SEMA3A: variants seen among roughly 807,000 people sequenced by gnomAD.
SEMA3A encodes the protein semaphorin 3A.
A neutral mutation model predicts 97.9 loss-of-function variants in SEMA3A; 29 were observed. The ratio of observed to expected loss-of-function variants is 0.30; its 90% CI spans 0.22 to 0.40. The LOEUF is 0.40. SEMA3A is among the 10% of genes least tolerant of loss of function. SEMA3A has a pLI of 1.00. For missense variants in SEMA3A, 763 were observed against 951.3 expected, an observed-to-expected ratio of 0.80 and a Z score of 2.60; for synonymous variants, 321 against 323.7, an observed-to-expected ratio of 0.99 and a Z score of 0.09.
intron 1 of SEMA3A, among the ~76,000 whole-genome samples, chr7:84,394,155 A>G (rs1803664081): frequency 7.6e-6 from 1 of 132,232 alleles, no homozygotes; most frequent in South Asian, 2.4e-4. Context: ...GCAGATAAAG[A>G]ATTAGAAATA....
At chr7:84,374,100 A>G (rs1803042143) in intron 1 of SEMA3A, among the ~76,000 whole-genome samples, 1 of 152,192 alleles carries the variant, frequency 6.6e-6, no homozygotes, top group Non-Finnish European at 1.5e-5. Flanking sequence ...GCAGAAGCCC[A>G]GAGGAGAAAA....
chr7:84,321,337 A>G (rs1801637578), intron 2 of SEMA3A, among the ~76,000 whole-genome samples: 1 of 152,218 alleles, frequency 6.6e-6, no homozygotes, highest in East Asian at 1.9e-4. Flanking sequence ...AAAATGAACT[A>G]TAATTATCAC....
At chr7:84,103,211 C>G (rs1449356954) in intron 4 of SEMA3A, among the ~76,000 whole-genome samples, 1 of 152,064 alleles carries the variant, frequency 6.6e-6, no homozygotes, top group African/African-American at 2.4e-5. Flanking sequence ...TTTTCTCTAT[C>G]TCAACCACAG....
intron 15 of SEMA3A, among the ~76,000 whole-genome samples, chr7:83,965,042 T>A (rs1227075854): frequency 6.6e-6 from 1 of 152,118 alleles, no homozygotes; most frequent in East Asian, 1.9e-4. Flanking sequence ...CAGAAGTTAA[T>A]GCTATTTACA....
At chr7:84,292,939 A>G (rs1800785509) in intron 3 of SEMA3A, among the ~76,000 whole-genome samples, 1 of 152,074 alleles carries the variant, frequency 6.6e-6, no homozygotes, top group African/African-American at 2.4e-5. Context: ...CCTAAATGGT[A>G]AATATATTAA....
At chr7:84,086,495 TA>T (rs1295359177) in intron 4 of SEMA3A, among the ~76,000 whole-genome samples, 6 of 58,034 alleles carry the variant, frequency 1.0e-4, no homozygotes, top group Non-Finnish European at 1.0e-4. Flanking sequence ...TATTTACATA[TA>T]ATATATTATT....
chr7:84,347,748 C>T (rs2116011615), intron 2 of SEMA3A, among the ~76,000 whole-genome samples: 1 of 152,182 alleles, frequency 6.6e-6, no homozygotes, highest in African/African-American at 2.4e-5. Flanking sequence ...ACAGCCACAA[C>T]AGAATATATT....
intron 3 of SEMA3A, among the ~76,000 whole-genome samples, chr7:84,229,552 C>G (rs1799069513): frequency 6.6e-6 from 1 of 152,088 alleles, no homozygotes; most frequent in Non-Finnish European, 1.5e-5. Context: ...TTTCTGGGGA[C>G]TACCATAATG....
rs748598600 is a variant in SEMA3A, at chr7:83,981,456, G to T, written c.1517C>A (p.Thr506Lys). 6.2e-7 allele frequency: 1 copy of T among 1,611,668 alleles called. No individual in the cohort carries two copies. Among genetic ancestry groups the T allele is most frequent in the Non-Finnish European group, 8.5e-7 (1 of 1,179,072 alleles). Residue 506 changes from threonine to lysine, a missense_variant, in exon 14 of 17, where the codon ACG becomes AAG. This residue lies in a region of SEMA3A where 678 missense variants were observed against 881.3 expected (regional missense o/e 0.77). Coordinates refer to ENST00000265362, the MANE Select transcript of SEMA3A (RefSeq NM_006080.3). Reference sequence around the variant, plus strand: ...TAAAGGGAGCTGGGCAACCCCAGCCGTTGAACCAATATATAGTTGTTGCTG... The same window carrying T: ...TAAAGGGAGCTGGGCAACCCCAGCCTTTGAACCAATATATAGTTGTTGCTG... ...TKQQQLYIGS[T>K]AGVAQLPLHR... is the part of the protein sequence containing the mutation.
chr7:83,977,828 G>C lies in SEMA3A; in HGVS notation c.1653-632C>G, dbSNP rs189662963. Among the ~76,000 whole-genome samples, 650 of 136,736 alleles carry C rather than the reference G, an allele frequency of 4.8e-3. 6 individuals carry two copies. Among genetic ancestry groups the C allele is most frequent in the African/African-American group, 0.017 (618 of 36,400 alleles). The allele number at this position is 136,736 out of a possible 152,430, so 89.7% of individuals were successfully genotyped here. On this transcript the variant is annotated intron_variant, in intron 14 of 16. Transcript: ENST00000265362. The stretch of plus-strand genomic sequence containing the variant: ...TCTTTCTTTTTTTTTTTTTGAGACA[G>C]AATCTCGCTCTGTCGCCCAGGCTGA...
At chr7:84,450,667 G>A (rs1282439410) in intron 1 of SEMA3A, among the ~76,000 whole-genome samples, 2 of 151,976 alleles carry the variant, frequency 1.3e-5, no homozygotes, top group Non-Finnish European at 2.9e-5. Flanking sequence ...ATTGTGGGAG[G>A]GTTCTGTCTC....
At position 84,223,297 on chromosome 7, in the gene SEMA3A, A is replaced by G. The variant is rs1286117638; in HGVS notation, c.-82-28629T>C. ...TACCTCTCTCCATATAGAGGTGTGT[A>G]TGTATGTTTGCATGTGTGTATGCAT... On this transcript the variant is annotated intron_variant, in intron 3 of 3. Coordinates refer to the SEMA3A transcript ENST00000424555. 2.6e-5 allele frequency among the ~76,000 whole-genome samples: 4 copies of G among 151,908 alleles called. No homozygotes were observed. The South Asian group carries it at 6.2e-4, about 24-fold the overall frequency.
chr7:84,119,827 G>A (rs1795548713), intron 3 of SEMA3A, among the ~76,000 whole-genome samples: 1 of 152,046 alleles, frequency 6.6e-6, no homozygotes, highest in African/African-American at 2.4e-5. Context: ...CTTTTTTCCT[G>A]AAGGAACTGG....
intron 1 of SEMA3A, among the ~76,000 whole-genome samples, chr7:84,136,083 C>T (rs1394980714): frequency 6.6e-6 from 1 of 152,070 alleles, no homozygotes; most frequent in Non-Finnish European, 1.5e-5. Flanking sequence ...ACACCCCACC[C>T]CCATGGGATA....
At chr7:84,467,089 T>C (rs1806017361) in intron 1 of SEMA3A, among the ~76,000 whole-genome samples, 1 of 152,172 alleles carries the variant, frequency 6.6e-6, no homozygotes, top group African/African-American at 2.4e-5. Flanking sequence ...AATATCAGTA[T>C]GCATGGTCTG....
At position 83,959,691 on chromosome 7, in the gene SEMA3A, T is replaced by C. The variant is rs1252877305; in HGVS notation, c.*1680A>G. Reference sequence around the variant, plus strand: ...GAGTTAATTAGAATCCAAAGACAGCTAGAGTTAGAATTTCAATGTTGCTTC... The same window carrying C: ...GAGTTAATTAGAATCCAAAGACAGCCAGAGTTAGAATTTCAATGTTGCTTC... On this transcript the variant is annotated 3_prime_UTR_variant, in exon 17 of 17. Coordinates refer to ENST00000265362, the MANE Select transcript of SEMA3A (RefSeq NM_006080.3). 6.6e-6 allele frequency: 1 copy of C among 152,078 alleles called. No homozygotes were observed. The highest frequency in any genetic ancestry group is 2.4e-5 in the African/African-American group (1 of 41,452). The allele number at this position is 152,078 out of a possible 1,614,324, so 9.4% of individuals were successfully genotyped here. A position where few individuals can be genotyped will look rare whatever the true frequency, so the allele number is the denominator to read the frequency against.
intron 6 of SEMA3A, among the ~76,000 whole-genome samples, chr7:84,042,519 G>C (rs2888219): frequency 0.56 from 85,407 of 151,768 alleles, 25,512 homozygotes; most frequent in Middle Eastern, 0.71. Context: ...CTTCCTAAGC[G>C]TGCTCCACCC....
chr7:84,103,655 C>T (rs1795023118), intron 4 of SEMA3A, among the ~76,000 whole-genome samples: 1 of 151,890 alleles, frequency 6.6e-6, no homozygotes, highest in African/African-American at 2.4e-5. Context: ...TTCTCATCTG[C>T]AGATTCAAGT....
intron 1 of SEMA3A, among the ~76,000 whole-genome samples, chr7:84,404,435 G>A (rs1021923398): frequency 2.6e-5 from 4 of 152,224 alleles, no homozygotes; most frequent in Non-Finnish European, 4.4e-5. Context: ...ACCTGAAAGT[G>A]ACGGGGAGAA....
Sources: gnomAD v4.1 joint callset for allele counts (sites outside exome capture counted in the v4.1 genomes callset) on GRCh38, gnomAD v4.1.1 for gene constraint, gnomAD v4.1.1 regional missense constraint, MANE v1.5 for transcripts, NCBI Gene and HGNC (gene_info 2026-07-23, HGNC 2026-07-21) for gene names.